The following IQSEC1 variants were observed in gnomAD, a reference collection of about 807,000 sequenced individuals.
IQSEC1 encodes IQ motif and Sec7 domain ArfGEF 1, also known as IQ motif and SEC7 domain-containing protein 1.
Under a neutral mutation model 91.0 loss-of-function variants are expected in IQSEC1, and 31 were observed. That is an observed-to-expected ratio of 0.34 (90% CI 0.26 to 0.46). The LOEUF is 0.46. Ranked by LOEUF, IQSEC1 falls within the 20% of genes least tolerant of loss-of-function variation. IQSEC1 has a pLI of 1.00. For missense variants in IQSEC1, 1,388 were observed against 1,575.6 expected (o/e 0.88, Z 2.02); for synonymous variants, 699 against 662.6 (o/e 1.05, Z -0.84).
chr3:13,224,996 T>C (rs1210931247), intron 1 of IQSEC1, among the ~76,000 whole-genome samples: 1 of 152,234 alleles, frequency 6.6e-6, no homozygotes, highest in Non-Finnish European at 1.5e-5. Context: ...CCTGCCCAGA[T>C]ACCATTGTGC....
intron 3 of IQSEC1, among the ~76,000 whole-genome samples, chr3:12,929,797 G>A (rs954665641): frequency 5.9e-5 from 9 of 152,096 alleles, no homozygotes; most frequent in African/African-American, 1.2e-4. Context: ...CTGTACCCCC[G>A]GCCCTGCTGC....
intron 2 of IQSEC1, among the ~76,000 whole-genome samples, chr3:13,094,521 G>A (rs1339963288): frequency 6.6e-6 from 1 of 152,140 alleles, no homozygotes; most frequent in Non-Finnish European, 1.5e-5. Context: ...TTTTTGTCAG[G>A]AAGATCTGTG....
chr3:13,039,126 G>A (rs969642007), intron 1 of IQSEC1, among the ~76,000 whole-genome samples: 4 of 152,198 alleles, frequency 2.6e-5, no homozygotes. Flanking sequence ...CCCTGAGGTC[G>A]GCTGGGCTCT....
chr3:13,051,791 T>A (rs747170859), intron 1 of IQSEC1, among the ~76,000 whole-genome samples: 1 of 152,030 alleles, frequency 6.6e-6, no homozygotes, highest in Non-Finnish European at 1.5e-5. Context: ...CTCTGCTAAA[T>A]GAGGAAGTGG....
In IQSEC1 at chr3:12,992,870, G is replaced by T. The variant is rs1401915619; in HGVS notation, c.24-51005C>A. Among the ~76,000 whole-genome samples, 1 of 152,194 alleles carries T rather than the reference G, an allele frequency of 6.6e-6. No individual in the cohort carries two copies. The highest frequency in any genetic ancestry group is 1.5e-5 in the Non-Finnish European group (1 of 68,032). The stretch of plus-strand genomic sequence containing the variant: ...AGTGACAACTGCCTGGCAGAAACAT[G>T]GGAGGGGAAGTTCCCCAGGACTATT... On this transcript the variant is annotated intron_variant, in intron 1 of 13. Coordinates refer to ENST00000613206, the MANE Select transcript of IQSEC1 (RefSeq NM_001134382.3). This position sits in a 1 kb window ranked among gnomAD's most constrained non-coding sequence, Gnocchi z 4.1.
At chr3:13,196,982 G>A (rs1180317218) in intron 1 of IQSEC1, among the ~76,000 whole-genome samples, 1 of 152,082 alleles carries the variant, frequency 6.6e-6, no homozygotes, top group Non-Finnish European at 1.5e-5. Context: ...CTCTGAGGCA[G>A]GATGCGTAGG....
chr3:13,270,507 G>A (rs959485322), intron 1 of IQSEC1, among the ~76,000 whole-genome samples: 2 of 152,118 alleles, frequency 1.3e-5, no homozygotes, highest in Non-Finnish European at 2.9e-5. Flanking sequence ...TCTTCTCTGG[G>A]GCCTGCCACT....
chr3:13,221,086 G>A (rs9873778), intron 1 of IQSEC1, among the ~76,000 whole-genome samples: 28,422 of 152,162 alleles, frequency 0.19, 3,828 homozygotes, highest in African/African-American at 0.36. Context: ...TCATAAGCAG[G>A]GCTGTCGCTG....
chr3:13,195,785 A>C (rs1694114059), intron 1 of IQSEC1, among the ~76,000 whole-genome samples: 1 of 152,218 alleles, frequency 6.6e-6, no homozygotes, highest in Admixed American at 6.5e-5. Flanking sequence ...TGGGCACGAC[A>C]AAACTGCATA....
intron 1 of IQSEC1, among the ~76,000 whole-genome samples, chr3:13,241,164 A>T (rs1286392818): frequency 6.6e-6 from 1 of 152,186 alleles, no homozygotes; most frequent in Non-Finnish European, 1.5e-5. Flanking sequence ...GAAACCCAGA[A>T]TTCCCACGAT....
intron 2 of IQSEC1, among the ~76,000 whole-genome samples, chr3:13,141,905 A>T (rs910814869): frequency 6.6e-6 from 1 of 152,196 alleles, no homozygotes; most frequent in Non-Finnish European, 1.5e-5. Flanking sequence ...TGACTGTCAG[A>T]GCTGGGAGAG....
chr3:13,181,650 A>G (rs1305315762), intron 1 of IQSEC1, among the ~76,000 whole-genome samples: 1 of 152,240 alleles, frequency 6.6e-6, no homozygotes, highest in Non-Finnish European at 1.5e-5. Flanking sequence ...CTCCTACAGC[A>G]TGGCTGGTGC....
chr3:12,902,683 A>G lies in IQSEC1; in HGVS notation c.2805+90T>C, dbSNP rs1286642798. On this transcript the variant is annotated intron_variant, in intron 13 of 13. Coordinates refer to ENST00000613206, the MANE Select transcript of IQSEC1 (RefSeq NM_001134382.3). ...CAAAAAAAAAACCAAAAAAAAAAAA[A>G]AAAAAAAAAAACCAGGACAACAGAT... The G allele has an allele frequency of 7.6e-6, 5 of 658,460 alleles. No individual in the cohort carries two copies. The Admixed American group carries it at 1.6e-4, about 21-fold the overall frequency. 40.8% of individuals were successfully genotyped at this position (658,460 alleles called of 1,614,324 possible).
chr3:13,210,550 G>A (rs1477051540), intron 1 of IQSEC1, among the ~76,000 whole-genome samples: 4 of 152,172 alleles, frequency 2.6e-5, no homozygotes, highest in African/African-American at 9.7e-5. Flanking sequence ...GTGTCCATGC[G>A]GCTTAACCCC....
intron 3 of IQSEC1, among the ~76,000 whole-genome samples, chr3:12,927,497 C>A (rs925819782): frequency 1.3e-5 from 2 of 148,412 alleles, no homozygotes; most frequent in Admixed American, 1.3e-4. Context: ...CAGGCCACCG[C>A]TGCAGTGACC....
intron 1 of IQSEC1, among the ~76,000 whole-genome samples, chr3:13,009,089 G>A (rs897765377): frequency 6.6e-6 from 1 of 152,234 alleles, no homozygotes; most frequent in Admixed American, 6.5e-5. Flanking sequence ...ACACAGGGAA[G>A]GAATCCTGAC....
At chr3:12,974,314 G>A (rs1361899871) in intron 1 of IQSEC1, among the ~76,000 whole-genome samples, 1 of 152,200 alleles carries the variant, frequency 6.6e-6, no homozygotes, top group South Asian at 2.1e-4. Context: ...CTAGGTCCTC[G>A]GTGACCAATG....
chr3:13,167,096 T>C (rs931222037), intron 1 of IQSEC1, among the ~76,000 whole-genome samples: 4 of 152,202 alleles, frequency 2.6e-5, no homozygotes, highest in Non-Finnish European at 4.4e-5. Context: ...CGTGTGTGTG[T>C]GCCTATGATT....
intron 1 of IQSEC1, among the ~76,000 whole-genome samples, chr3:13,186,994 G>A (rs531698112): frequency 1.6e-4 from 24 of 151,594 alleles, no homozygotes; most frequent in African/African-American, 4.8e-4. Flanking sequence ...CCTTCCTGCC[G>A]CCTTTTCTTC....
Sources: allele counts gnomAD v4.1 joint callset (sites outside exome capture counted in the v4.1 genomes callset), GRCh38; gene constraint gnomAD v4.1.1; non-coding constraint Gnocchi (gnomAD v3.1); transcripts MANE v1.5; gene names NCBI Gene and HGNC (gene_info 2026-07-23, HGNC 2026-07-21).